Variants in RAB10 observed in about 807,000 individuals in gnomAD.
RAB10 encodes the protein RAB10, member RAS oncogene family.
A neutral mutation model predicts 25.7 loss-of-function variants in RAB10; 5 were observed. That is an observed-to-expected ratio of 0.19 (90% CI 0.10 to 0.41). RAB10 has a LOEUF of 0.41. RAB10 is among the 10% of genes least tolerant of loss of function. The probability of loss-of-function intolerance (pLI) is 1.00; values close to 1 mark genes in which losing one functional copy is unlikely to be tolerated. For missense variants in RAB10, 103 were observed against 245.8 expected (o/e 0.42, Z 3.89); for synonymous variants, 89 against 86.4 (o/e 1.03, Z -0.16).
chr2:26,057,245 A>G (rs1024060032), intron 1 of RAB10, among the ~76,000 whole-genome samples: 1 of 152,140 alleles, frequency 6.6e-6, no homozygotes, highest in African/African-American at 2.4e-5. Context: ...AGTGGCTTCA[A>G]TGAGCATGGA....
At chr2:26,071,890 A>G (rs1666633693) in intron 1 of RAB10, among the ~76,000 whole-genome samples, 1 of 152,090 alleles carries the variant, frequency 6.6e-6, no homozygotes, top group South Asian at 2.1e-4. Context: ...TAAATAAAAT[A>G]TATTTGGAAA....
chr2:26,067,957 G>A (rs1666546756), intron 1 of RAB10, among the ~76,000 whole-genome samples: 1 of 152,168 alleles, frequency 6.6e-6, no homozygotes, highest in African/African-American at 2.4e-5. Flanking sequence ...TTTGCTGGGG[G>A]GTTGATATAT....
At chr2:26,065,467 TACAGTTTGCCAAAG>T (rs1312457585) in intron 1 of RAB10, among the ~76,000 whole-genome samples, 5 of 149,296 alleles carry the variant, frequency 3.3e-5, no homozygotes, top group South Asian at 4.3e-4. Flanking sequence ...TTTCAACAAC[TACAGTTTGCCAAAG>T]ACTTCAAAAC....
At chr2:26,087,431 T>TC (rs547036207) in intron 1 of RAB10, among the ~76,000 whole-genome samples, 19 of 152,188 alleles carry the variant, frequency 1.2e-4, no homozygotes, top group Non-Finnish European at 2.2e-4. Context: ...TGACGAATTT[T>TC]CGCTCTCGTT....
At chr2:26,046,301 G>C (rs1403568048) in intron 1 of RAB10, among the ~76,000 whole-genome samples, 1 of 151,246 alleles carries the variant, frequency 6.6e-6, no homozygotes, top group East Asian at 1.9e-4. Context: ...CTCCAGCCTA[G>C]GCAACAAGAG....
chr2:26,089,284 A>G (rs1181482789), intron 1 of RAB10, among the ~76,000 whole-genome samples: 3 of 151,956 alleles, frequency 2.0e-5, no homozygotes. Context: ...TTAGCCGGGC[A>G]TGATGGTGGG....
chr2:26,049,031 CTT>C (rs1275177819), intron 1 of RAB10, among the ~76,000 whole-genome samples: 1 of 152,112 alleles, frequency 6.6e-6, no homozygotes, highest in East Asian at 1.9e-4. Flanking sequence ...ACTTTCCTCT[CTT>C]TTTGTGGATC....
At chr2:26,131,579 A>C (rs975714280) in intron 5 of RAB10, among the ~76,000 whole-genome samples, 1 of 152,186 alleles carries the variant, frequency 6.6e-6, no homozygotes, top group Non-Finnish European at 1.5e-5. Context: ...TCTTGCTTCA[A>C]ACATTTTAAA....
chr2:26,050,437 A>T (rs1484509295), intron 1 of RAB10, among the ~76,000 whole-genome samples: 1 of 152,152 alleles, frequency 6.6e-6, no homozygotes, highest in Non-Finnish European at 1.5e-5. Flanking sequence ...TTAATAAAAA[A>T]TTTCATAATT....
At chr2:26,122,514 G>A (rs1260796325) in intron 3 of RAB10, among the ~76,000 whole-genome samples, 1 of 151,996 alleles carries the variant, frequency 6.6e-6, no homozygotes, top group African/African-American at 2.4e-5. Flanking sequence ...TGTAGTCCCA[G>A]CCACTCGGGA....
At chr2:26,115,901 C>T (rs976679758) in intron 3 of RAB10, among the ~76,000 whole-genome samples, 1 of 150,910 alleles carries the variant, frequency 6.6e-6, no homozygotes, top group Non-Finnish European at 1.5e-5. Context: ...GCTCTGTCGC[C>T]CAGGCTGGAG....
Position 26,096,971 on chromosome 2 carries a change from T to G in RAB10, c.128-1691T>G, listed in dbSNP as rs1311089923. On this transcript the variant is annotated intron_variant, in intron 1 of 5. Transcript: ENST00000264710. ...GTGCGGTGGCTCACGCCTGTAATCC[T>G]AGCACCTTGGGAGGCCAAGGCCGGT... 2.6e-5 allele frequency among the ~76,000 whole-genome samples: 4 copies of G among 152,112 alleles called. No individual in the cohort carries two copies. In the East Asian group the frequency reaches 7.7e-4, roughly 29 times the overall value.
chr2:26,108,643 A>G (rs943553897), intron 2 of RAB10, among the ~76,000 whole-genome samples: 22 of 151,722 alleles, frequency 1.5e-4, no homozygotes, highest in African/African-American at 5.3e-4. Flanking sequence ...AAATCTTAAT[A>G]AGGTCTGTAG....
chr2:26,040,681 C>T (rs1358835223), intron 1 of RAB10, among the ~76,000 whole-genome samples: 1 of 151,970 alleles, frequency 6.6e-6, no homozygotes. Flanking sequence ...AGAAAACATC[C>T]AGAGGTTTGT....
chr2:26,048,100 A>G (rs1215406351), intron 1 of RAB10, among the ~76,000 whole-genome samples: 1 of 146,352 alleles, frequency 6.8e-6, no homozygotes, highest in Non-Finnish European at 1.5e-5. Flanking sequence ...CAGTTTGTTT[A>G]ATCTTTACCC....
intron 2 of RAB10, among the ~76,000 whole-genome samples, chr2:26,108,830 G>C (rs182064512): frequency 6.6e-6 from 1 of 152,120 alleles, no homozygotes; most frequent in African/African-American, 2.4e-5. Context: ...CGAAAGAGGA[G>C]CAGGGATAGT....
chr2:26,115,069 GA>G (rs1047489466), intron 3 of RAB10, among the ~76,000 whole-genome samples: 2 of 152,214 alleles, frequency 1.3e-5, no homozygotes, highest in Non-Finnish European at 2.9e-5. Context: ...CAGAATGGAA[GA>G]AAAGAGGACA....
At chr2:26,048,953 C>T (rs564863039) in intron 1 of RAB10, among the ~76,000 whole-genome samples, 27 of 152,178 alleles carry the variant, frequency 1.8e-4, no homozygotes, top group Non-Finnish European at 3.4e-4. Context: ...TCATCCTCTT[C>T]ACATGGGCTT....
chr2:26,067,453 A>G (rs1388351535), intron 1 of RAB10, among the ~76,000 whole-genome samples: 2 of 152,152 alleles, frequency 1.3e-5, no homozygotes, highest in South Asian at 2.1e-4. Context: ...CATGTTTCCT[A>G]CTGATCTCAC....
Sources: gnomAD v4.1 joint callset for allele counts (sites outside exome capture counted in the v4.1 genomes callset) on GRCh38, gnomAD v4.1.1 for gene constraint, MANE v1.5 for transcripts, NCBI Gene and HGNC (gene_info 2026-07-23, HGNC 2026-07-21) for gene names.